The following ANKS6 variants were observed in gnomAD, a reference collection of about 807,000 sequenced individuals.
ANKS6 encodes ankyrin repeat and SAM domain-containing protein 6.
A neutral mutation model predicts 77.9 loss-of-function variants in ANKS6; 47 were observed. That is an observed-to-expected ratio of 0.60 (90% confidence interval 0.48 to 0.77). The LOEUF is 0.77. Ranked by LOEUF, ANKS6 falls within the 30% of genes least tolerant of loss-of-function variation. The probability of loss-of-function intolerance (pLI) is 0.00; values close to 1 mark genes in which losing one functional copy is unlikely to be tolerated. For synonymous variants in ANKS6, 488 were observed against 501.7 expected (o/e 0.97, Z 0.37); for missense variants, 1,150 against 1,159.1 (o/e 0.99, Z 0.11).
intron 2 of ANKS6, among the ~76,000 whole-genome samples, chr9:98,786,534 C>T (rs922412945): frequency 6.6e-6 from 1 of 152,086 alleles, no homozygotes; most frequent in African/African-American, 2.4e-5. Context: ...TCGTGATTCA[C>T]CCACCTCCGC....
chr9:98,795,315 G>A lies in ANKS6; in HGVS notation c.359+818C>T, dbSNP rs193162083. 5.5e-3 allele frequency among the ~76,000 whole-genome samples: 796 copies of A among 143,824 alleles called. 6 individuals carry two copies. The highest frequency in any genetic ancestry group is 0.023 in the South Asian group (113 of 4,820). The allele number at this position is 143,824 out of a possible 152,430, so 94.4% of individuals were successfully genotyped here. ...AATCTATTCTCACACTTCAAGGAAA[G>A]TAATTTTTCCAAAACGTAACTCTCA... On this transcript the variant is annotated intron_variant, in intron 1 of 14. Coordinates refer to ENST00000353234, the MANE Select transcript of ANKS6 (RefSeq NM_173551.5).
At position 98,732,988 on chromosome 9, in the gene ANKS6, G is replaced by A; in HGVS notation, c.*3531C>T. 1 of 992,996 alleles carries A rather than the reference G, an allele frequency of 1.0e-6. No homozygotes were observed. Among genetic ancestry groups the A allele is most frequent in the Non-Finnish European group, 1.2e-6 (1 of 825,870 alleles). 61.5% of individuals were successfully genotyped at this position (992,996 alleles called of 1,614,324 possible). On this transcript the variant is annotated 3_prime_UTR_variant, in exon 15 of 15. Coordinates refer to ENST00000353234, the MANE Select transcript of ANKS6 (RefSeq NM_173551.5). The stretch of plus-strand genomic sequence containing the variant: ...GCCCCACTCCATCTCTCTCCTCTGG[G>A]GCGTGCCCAGGCTGAGCCTGAGCCA...
chr9:98,756,350 T>C, intron 12 of ANKS6, 70 bp downstream of exon 12: 1 of 1,529,906 alleles, frequency 6.5e-7, no homozygotes, highest in Non-Finnish European at 8.8e-7. Context: ...AAGGTCACCT[T>C]GCAGTTCCTT....
chr9:98,765,333 G>C (rs1833213868), intron 11 of ANKS6, among the ~76,000 whole-genome samples: 1 of 152,188 alleles, frequency 6.6e-6, no homozygotes, highest in Admixed American at 6.5e-5. Flanking sequence ...AATATCCGTT[G>C]AGTGGTAGGC....
intron 5 of ANKS6, among the ~76,000 whole-genome samples, chr9:98,780,903 C>CTT (rs201837649): frequency 0.018 from 2,550 of 141,630 alleles, 50 homozygotes; most frequent in Non-Finnish European, 0.029. Context: ...ATGACTATTT[C>CTT]TTTTTTTTTT....
intron 10 of ANKS6, among the ~76,000 whole-genome samples, chr9:98,769,205 A>T (rs1392650585): frequency 1.3e-5 from 2 of 152,148 alleles, no homozygotes; most frequent in African/African-American, 4.8e-5. Context: ...CAAGAGGGAC[A>T]CTAATGACTA....
At chr9:98,742,059 C>T (rs1364253998) in intron 14 of ANKS6, among the ~76,000 whole-genome samples, 2 of 152,184 alleles carry the variant, frequency 1.3e-5, no homozygotes, top group Admixed American at 1.3e-4. Context: ...AACCCACCAG[C>T]GTGCTGTGGA....
At chr9:98,764,244 T>C (rs1000622592) in intron 11 of ANKS6, among the ~76,000 whole-genome samples, 11 of 152,172 alleles carry the variant, frequency 7.2e-5, no homozygotes, top group Non-Finnish European at 1.6e-4. Context: ...TGTATGTAAT[T>C]TCTTTCAAGA....
In ANKS6 at chr9:98,732,402, A is replaced by T; in HGVS notation, c.*4117T>A. ...TTCTGTCTGCCATGCCAGGAAATCC[A>T]GTGACAGCAAGACCCAGAGTCAGGC... On this transcript the variant is annotated 3_prime_UTR_variant, in exon 15 of 15. Coordinates refer to ENST00000353234, the MANE Select transcript of ANKS6 (RefSeq NM_173551.5). The T allele has an allele frequency of 7.8e-7, 1 of 1,289,372 alleles. No homozygotes were observed. Among genetic ancestry groups the T allele is most frequent in the Non-Finnish European group, 1.1e-6 (1 of 930,284 alleles). 79.9% of individuals were successfully genotyped at this position (1,289,372 alleles called of 1,614,324 possible).
chr9:98,756,671 C>G, intron 11 of ANKS6, 68 bp from the exon 12 acceptor site: 1 of 1,324,514 alleles, frequency 7.5e-7, no homozygotes, highest in Non-Finnish European at 9.9e-7. Flanking sequence ...AAACAAGACA[C>G]CCACAACAGG....
At chr9:98,766,886 G>A (rs760089642) in intron 11 of ANKS6, among the ~76,000 whole-genome samples, 2 of 152,184 alleles carry the variant, frequency 1.3e-5, no homozygotes, top group African/African-American at 2.4e-5. Context: ...CTCACTGAAG[G>A]AAGCTTATGA....
In ANKS6 at chr9:98,734,738, T is replaced by A. The variant is rs150420246; in HGVS notation, c.*1781A>T. On this transcript the variant is annotated 3_prime_UTR_variant, in exon 15 of 15. Transcript: ENST00000353234. ...CACAATGCCACCTCCAGGGTGGCCA[T>A]GAGGATGAAATGACAAAGGTAAAGC... 1 of 970,024 alleles carries A rather than the reference T, an allele frequency of 1.0e-6. No individual in the cohort carries two copies. The highest frequency in any genetic ancestry group is 1.2e-6 in the Non-Finnish European group (1 of 815,938). 60.1% of individuals were successfully genotyped at this position (970,024 alleles called of 1,614,324 possible).
chr9:98,777,499 C>T (rs1320163295), intron 7 of ANKS6, 45 bp from the exon 8 acceptor site: 2 of 1,595,160 alleles, frequency 1.3e-6, no homozygotes, highest in Non-Finnish European at 1.7e-6. Context: ...CTCCACGTGT[C>T]CACAGCATAA....
intron 11 of ANKS6, among the ~76,000 whole-genome samples, chr9:98,765,564 G>C (rs572371642): frequency 6.6e-6 from 1 of 152,298 alleles, no homozygotes; most frequent in East Asian, 1.9e-4. Flanking sequence ...GCAGACCAGA[G>C]AACTGCCCAC....
chr9:98,777,931 G>C (rs1834004653), intron 7 of ANKS6, among the ~76,000 whole-genome samples: 1 of 152,098 alleles, frequency 6.6e-6, no homozygotes, highest in South Asian at 2.1e-4. Flanking sequence ...TTCAGAGGTG[G>C]GGAAAACCAC....
intron 4 of ANKS6, among the ~76,000 whole-genome samples, chr9:98,783,123 G>T (rs1834368988): frequency 6.7e-6 from 1 of 150,358 alleles, no homozygotes; most frequent in African/African-American, 2.5e-5. Flanking sequence ...GGAAAAGGAA[G>T]GGGAGGGGAG....
intron 12 of ANKS6, 63 bp downstream of exon 12, chr9:98,756,357 C>T: frequency 1.3e-6 from 2 of 1,555,628 alleles, no homozygotes; most frequent in Non-Finnish European, 1.7e-6. Flanking sequence ...CCTTGCAGTT[C>T]CTTGCTGCCA....
At chr9:98,773,091 G>A (rs761713529) in intron 9 of ANKS6, among the ~76,000 whole-genome samples, 2 of 152,164 alleles carry the variant, frequency 1.3e-5, no homozygotes, top group South Asian at 2.1e-4. Context: ...CAACTCCCCC[G>A]TTCCTACCTG....
chr9:98,795,175 G>A (rs1835108007), intron 1 of ANKS6, among the ~76,000 whole-genome samples: 1 of 152,022 alleles, frequency 6.6e-6, no homozygotes, highest in African/African-American at 2.4e-5. Flanking sequence ...AAATTCATCT[G>A]GGTGCCCTCC....
Sources: gnomAD v4.1 joint callset for allele counts (sites outside exome capture counted in the v4.1 genomes callset) on GRCh38, gnomAD v4.1.1 for gene constraint, MANE v1.5 for transcripts, NCBI Gene and HGNC (gene_info 2026-07-23, HGNC 2026-07-21) for gene names.